The following MTM1 variants were observed in gnomAD, a reference collection of about 807,000 sequenced individuals.
MTM1 encodes myotubularin 1, also known as myotubularin.
In MTM1, 9 loss-of-function variants were observed where a neutral mutation model predicts 52.1. The ratio of observed to expected loss-of-function variants is 0.17; its 90% CI spans 0.10 to 0.30. The LOEUF is 0.30. Among genes scored for constraint, MTM1 ranks in the 10% least tolerant of loss-of-function variants. The pLI is 1.00. For missense variants in MTM1, 277 were observed against 470.7 expected (o/e 0.59, Z 3.81); for synonymous variants, 136 against 163.8 (o/e 0.83, Z 1.29).
At chrX:150,583,637 TA>T (rs1412636088) in intron 1 of MTM1, among the ~76,000 whole-genome samples, 1 of 36,476 alleles carries the variant, frequency 2.7e-5, no homozygotes, top group African/African-American at 1.2e-4. Context: ...AATTTATATA[TA>T]ATATATAATT....
At chrX:150,612,857 G>T (rs1000810666) in intron 4 of MTM1, among the ~76,000 whole-genome samples, 10 of 111,257 alleles carry the variant, frequency 9.0e-5, no homozygotes, top group Admixed American at 4.8e-4. Context: ...GGTGGCACAT[G>T]CCTGTAATCC....
At chrX:150,608,149 T>C (rs1286354397) in intron 4 of MTM1, among the ~76,000 whole-genome samples, 2 of 110,531 alleles carry the variant, frequency 1.8e-5, no homozygotes, top group Admixed American at 9.6e-5. Context: ...GTGAGAGAGG[T>C]AGATGGTGGC....
chrX:150,584,690 C>T lies in MTM1; in HGVS notation c.-10-7915C>T, dbSNP rs1220196787. On this transcript the variant is annotated intron_variant, in intron 1 of 14. Transcript: ENST00000370396. ...TACAGGGTAAGAAATGAAATACAATCGTCCCTTGGTATTTGCGGGAAACTG... is the reference window on the plus strand; with the variant it reads ...TACAGGGTAAGAAATGAAATACAATTGTCCCTTGGTATTTGCGGGAAACTG... Among the ~76,000 whole-genome samples, 7 of 111,012 alleles carry T rather than the reference C, an allele frequency of 6.3e-5. No individual in the cohort carries two copies. In the East Asian group the frequency reaches 1.4e-3, roughly 23 times the overall value.
intron 5 of MTM1, among the ~76,000 whole-genome samples, chrX:150,616,958 C>T (rs1557413158): frequency 8.9e-6 from 1 of 111,763 alleles, no homozygotes; most frequent in African/African-American, 3.3e-5. Flanking sequence ...ACTCTTAGCC[C>T]ATGTGGATCT....
At chrX:150,667,007 CCTT>C (rs1177221554) in intron 14 of MTM1, among the ~76,000 whole-genome samples, 1 of 111,853 alleles carries the variant, frequency 8.9e-6, no homozygotes, top group African/African-American at 3.3e-5. Flanking sequence ...GCAGCGATAA[CCTT>C]CTAGCTGGAC....
intron 6 of MTM1, among the ~76,000 whole-genome samples, chrX:150,634,123 T>C (rs2039717247): frequency 8.9e-6 from 1 of 112,596 alleles, no homozygotes; most frequent in Admixed American, 9.4e-5. Flanking sequence ...GTCATCTTCC[T>C]GAAAAATCAC....
At chrX:150,563,624 G>C (rs1032102281), upstream of MTM1, among the ~76,000 whole-genome samples, 2 of 105,866 alleles carry the variant, frequency 1.9e-5, no homozygotes, top group Admixed American at 2.0e-4. Flanking sequence ...GATGGCTCAC[G>C]CCTGTAATCC....
intron 1 of MTM1, among the ~76,000 whole-genome samples, chrX:150,584,731 A>C (rs1461926205): frequency 9.0e-6 from 1 of 111,427 alleles, no homozygotes; most frequent in Non-Finnish European, 1.9e-5. Flanking sequence ...AGGACTCCCG[A>C]GGATACCAAA....
chrX:150,608,446 TTG>T (rs2039209536), intron 4 of MTM1, among the ~76,000 whole-genome samples: 1 of 111,888 alleles, frequency 8.9e-6, no homozygotes, highest in Non-Finnish European at 1.9e-5. Context: ...CTCAAACTCC[TTG>T]GCTCAAGCGA....
At chrX:150,660,987 G>T (rs782679661) in intron 13 of MTM1, among the ~76,000 whole-genome samples, 2 of 111,825 alleles carry the variant, frequency 1.8e-5, no homozygotes, top group Admixed American at 1.9e-4. Context: ...CAAAATTGGG[G>T]ATCAGATTTC....
intron 1 of MTM1, among the ~76,000 whole-genome samples, chrX:150,579,552 G>T (rs2038543154): frequency 9.0e-6 from 1 of 111,286 alleles, no homozygotes; most frequent in Non-Finnish European, 1.9e-5. Flanking sequence ...CTGGAGTGCA[G>T]TGGCATGATG....
At chrX:150,619,360 T>C (rs1044886475) in intron 6 of MTM1, among the ~76,000 whole-genome samples, 1 of 112,053 alleles carries the variant, frequency 8.9e-6, no homozygotes, top group Non-Finnish European at 1.9e-5. Context: ...TGTCAGGCTT[T>C]TGTGGCTCCA....
In MTM1 at chrX:150,664,324, C is replaced by T. The variant is rs782225775; in HGVS notation, c.1644+715C>T. On this transcript the variant is annotated intron_variant, in intron 14 of 14. Coordinates refer to ENST00000370396, the MANE Select transcript of MTM1 (RefSeq NM_000252.3). ...CACATTTTCCTGCAGTGTGGGTGGT[C>T]GACTACCTGTTCTCACAGTTCAGTC... is the stretch of plus-strand genomic sequence containing the variant. Among the ~76,000 whole-genome samples, 63 of 112,773 alleles carry T rather than the reference C, an allele frequency of 5.6e-4. No homozygotes were observed. The South Asian group carries it at 0.022, about 39-fold the overall frequency.
At chrX:150,659,337 C>A (rs1278345638) in intron 11 of MTM1, among the ~76,000 whole-genome samples, 1 of 111,918 alleles carries the variant, frequency 8.9e-6, no homozygotes, top group African/African-American at 3.3e-5. Flanking sequence ...TGCTAACATA[C>A]TATGTAGGAT....
In MTM1 at chrX:150,626,100, T is replaced by G. The variant is rs149194730; in HGVS notation, c.444+6961T>G. On this transcript the variant is annotated intron_variant, in intron 6 of 14. Transcript: ENST00000370396. ...TGCTGCTTATTTCTTTTTGCCTAGCTTTGGTGAACCACATCAAGCCCTGCC... is the reference window on the plus strand; with the variant it reads ...TGCTGCTTATTTCTTTTTGCCTAGCGTTGGTGAACCACATCAAGCCCTGCC... Among the ~76,000 whole-genome samples the G allele has an allele frequency of 6.1e-3, 681 of 112,537 alleles. 6 individuals are homozygous for G. Among genetic ancestry groups the G allele is most frequent in the African/African-American group, 0.021 (655 of 30,977 alleles).
At chrX:150,597,498 G>T (rs960991044) in intron 3 of MTM1, among the ~76,000 whole-genome samples, 1 of 111,638 alleles carries the variant, frequency 9.0e-6, no homozygotes, top group Non-Finnish European at 1.9e-5. Context: ...TTGGTGGTAG[G>T]TATCAGCGCC....
At position 150,619,022 on chromosome X, in the gene MTM1, T is replaced by C; in HGVS notation, c.343-16T>C. 5 of 1,144,111 alleles carry C rather than the reference T, an allele frequency of 4.4e-6. No individual in the cohort carries two copies. The highest frequency in any genetic ancestry group is 6.0e-6 in the Non-Finnish European group (5 of 833,617). The allele number at this position is 1,144,111 out of a possible 1,213,427, so 94.3% of individuals were successfully genotyped here. A position where few individuals can be genotyped will look rare whatever the true frequency, so the allele number is the denominator to read the frequency against. On this transcript the variant is annotated splice_polypyrimidine_tract_variant and intron_variant, in intron 5 of 14. Transcript: ENST00000370396. The stretch of plus-strand genomic sequence containing the variant: ...TCTTTGAAGACTGAACTGTCATACT[T>C]CTCCTTTGCCCCCAGGACATGAGAA...
chrX:150,588,199 T>C (rs1210768145), intron 1 of MTM1, among the ~76,000 whole-genome samples: 1 of 112,374 alleles, frequency 8.9e-6, no homozygotes, highest in Non-Finnish European at 1.9e-5. Context: ...ATAAGCAGCA[T>C]CTTTCCAGAG....
At chrX:150,627,491 T>C (rs2039590642) in intron 6 of MTM1, among the ~76,000 whole-genome samples, 1 of 112,065 alleles carries the variant, frequency 8.9e-6, no homozygotes, top group African/African-American at 3.3e-5. Flanking sequence ...TTTTTAATTA[T>C]AAAAGTTCTA....
Sources: gnomAD v4.1 joint callset for allele counts (sites outside exome capture counted in the v4.1 genomes callset) on GRCh38, gnomAD v4.1.1 for gene constraint, MANE v1.5 for transcripts, NCBI Gene and HGNC (gene_info 2026-07-23, HGNC 2026-07-21) for gene names.